The following GRIN2A variants were observed in gnomAD, a reference collection of about 807,000 sequenced individuals.
GRIN2A encodes the protein glutamate receptor ionotropic, NMDA 2A.
In GRIN2A, 22 loss-of-function variants were observed where a neutral mutation model predicts 113.4. The ratio of observed to expected loss-of-function variants is 0.19; its 90% CI spans 0.14 to 0.28. GRIN2A has a LOEUF of 0.28. Ranked by LOEUF, GRIN2A falls within the 10% of genes least tolerant of loss-of-function variation. The pLI, the probability that GRIN2A is intolerant of heterozygous loss-of-function variation, is 1.00. For synonymous variants in GRIN2A, 827 were observed against 738.4 expected, an observed-to-expected ratio of 1.12 and a Z score of -1.94; for missense variants, 1,502 against 1,887.0, an observed-to-expected ratio of 0.80 and a Z score of 3.78.
intron 4 of GRIN2A, among the ~76,000 whole-genome samples, chr16:9,889,350 T>C (rs2043647677): frequency 6.6e-6 from 1 of 152,206 alleles, no homozygotes; most frequent in African/African-American, 2.4e-5. Flanking sequence ...TATTTGTGTT[T>C]TCTTTCTTTT....
At chr16:9,956,620 C>T (rs1276875216) in intron 2 of GRIN2A, among the ~76,000 whole-genome samples, 10 of 152,156 alleles carry the variant, frequency 6.6e-5, no homozygotes, top group East Asian at 1.9e-4. Context: ...ATGAAACCTG[C>T]GCTCAAAGAG....
At chr16:10,045,989 G>A (rs1225256549) in intron 2 of GRIN2A, among the ~76,000 whole-genome samples, 3 of 152,110 alleles carry the variant, frequency 2.0e-5, no homozygotes, top group Non-Finnish European at 4.4e-5. Flanking sequence ...AGCATCTCCC[G>A]ACAAACACCT....
intron 2 of GRIN2A, among the ~76,000 whole-genome samples, chr16:10,005,947 A>C (rs932977446): frequency 6.6e-6 from 1 of 152,230 alleles, no homozygotes; most frequent in Non-Finnish European, 1.5e-5. Context: ...CTTTGAAACC[A>C]TAAGTTCTTA....
At chr16:10,161,216 T>TC (rs1163425820) in intron 2 of GRIN2A, among the ~76,000 whole-genome samples, 1 of 152,164 alleles carries the variant, frequency 6.6e-6, no homozygotes, top group Non-Finnish European at 1.5e-5. Context: ...TAGGGGCTTT[T>TC]CCCCCTTTTG....
chr16:9,826,999 C>T (rs148775968), intron 9 of GRIN2A, among the ~76,000 whole-genome samples: 106 of 152,356 alleles, frequency 7.0e-4, no homozygotes, highest in African/African-American at 2.3e-3. Context: ...TTCCACCATA[C>T]CTCCAATCAC....
intron 4 of GRIN2A, among the ~76,000 whole-genome samples, chr16:9,863,200 C>A (rs2043101219): frequency 2.0e-5 from 3 of 152,118 alleles, no homozygotes; most frequent in South Asian, 4.1e-4. Context: ...AGTTTGGTTT[C>A]TTAAGGGAAT....
intron 4 of GRIN2A, among the ~76,000 whole-genome samples, chr16:9,861,732 C>T (rs1421318371): frequency 6.6e-6 from 1 of 152,180 alleles, no homozygotes; most frequent in Non-Finnish European, 1.5e-5. Context: ...CAATTTTCCC[C>T]TGTGTGGTAT....
At chr16:9,831,968 C>A (rs927859792) in intron 8 of GRIN2A, among the ~76,000 whole-genome samples, 3 of 152,130 alleles carry the variant, frequency 2.0e-5, no homozygotes, top group African/African-American at 7.2e-5. Context: ...GCTGACTAGG[C>A]AGTGCAGTGG....
chr16:10,096,539 A>AAACACACACACAC (rs367870878), intron 2 of GRIN2A, among the ~76,000 whole-genome samples: 1 of 137,670 alleles, frequency 7.3e-6, no homozygotes, highest in Non-Finnish European at 1.6e-5. Flanking sequence ...ATTGTGGTAA[A>AAACACACACACAC]ACACACACAC....
intron 2 of GRIN2A, among the ~76,000 whole-genome samples, chr16:10,019,168 T>A (rs531208906): frequency 7.9e-5 from 12 of 152,126 alleles, no homozygotes; most frequent in African/African-American, 2.9e-4. Context: ...ACCTCACTGC[T>A]AACACTTCAT....
chr16:9,955,771 G>A (rs2045293125), intron 2 of GRIN2A, among the ~76,000 whole-genome samples: 1 of 152,190 alleles, frequency 6.6e-6, no homozygotes. Flanking sequence ...TTTTGAATGA[G>A]GTTAGGCAGC....
In GRIN2A at chr16:9,757,994, A is replaced by C. The variant is rs935101550; in HGVS notation, c.*5155T>G. 2.3e-5 allele frequency: 5 copies of C among 218,236 alleles called. No homozygotes were observed. The highest frequency in any genetic ancestry group is 1.1e-4 in the African/African-American group (5 of 44,524). The allele number at this position is 218,236 out of a possible 1,614,324, so 13.5% of individuals were successfully genotyped here. ...CCTAGAAATAAGTCAGCCCGGTCAG[A>C]GAATCGAGCCAGAAATTGAACCATG... On this transcript the variant is annotated 3_prime_UTR_variant, in exon 13 of 13. Transcript: ENST00000330684.
chr16:9,840,863 T>C, intron 6 of GRIN2A, 63 bp from the exon 7 acceptor site: 4 of 1,608,326 alleles, frequency 2.5e-6, no homozygotes, highest in East Asian at 2.2e-5. Context: ...TACTTTACTT[T>C]TCCTGCTAAC....
chr16:9,901,206 A>T (rs2043914884), intron 3 of GRIN2A, among the ~76,000 whole-genome samples: 3 of 152,200 alleles, frequency 2.0e-5, no homozygotes, highest in Admixed American at 2.0e-4. Context: ...AATTTGTGGA[A>T]TGAACAAAAG....
At chr16:10,043,984 C>T (rs1322525560) in intron 2 of GRIN2A, among the ~76,000 whole-genome samples, 3 of 136,602 alleles carry the variant, frequency 2.2e-5, no homozygotes, top group African/African-American at 8.5e-5. Context: ...TATATATATA[C>T]ACATACGTGT....
intron 2 of GRIN2A, among the ~76,000 whole-genome samples, chr16:10,076,407 A>C (rs764205270): frequency 2.0e-5 from 3 of 152,216 alleles, no homozygotes; most frequent in Non-Finnish European, 4.4e-5. Context: ...CAGAGTGGCG[A>C]CGGTGGGGAC....
At chr16:10,142,434 T>C (rs886503805) in intron 2 of GRIN2A, among the ~76,000 whole-genome samples, 1 of 152,204 alleles carries the variant, frequency 6.6e-6, no homozygotes, top group African/African-American at 2.4e-5. Flanking sequence ...TAGTGGCTCA[T>C]GCCTGTAATC....
intron 2 of GRIN2A, among the ~76,000 whole-genome samples, chr16:10,158,195 G>A (rs1596562835): frequency 1.3e-5 from 2 of 152,134 alleles, no homozygotes; most frequent in Non-Finnish European, 2.9e-5. Context: ...TGTAGAGACA[G>A]GATTCCACCA....
At chr16:9,890,893 C>G in intron 4 of GRIN2A, 93 bp downstream of exon 4, 3 of 825,568 alleles carry the variant, frequency 3.6e-6, no homozygotes, top group Non-Finnish European at 6.4e-6. Context: ...AGCAGCTCAA[C>G]AGGAAATGCG....
Sources: gnomAD v4.1 joint callset for allele counts (sites outside exome capture counted in the v4.1 genomes callset) on GRCh38, gnomAD v4.1.1 for gene constraint, MANE v1.5 for transcripts, NCBI Gene and HGNC (gene_info 2026-07-23, HGNC 2026-07-21) for gene names.